VPS13C: variants seen among roughly 807,000 people sequenced by gnomAD.
VPS13C encodes the protein vacuolar protein sorting 13 homolog C.
In VPS13C, 358 loss-of-function variants were observed where a neutral mutation model predicts 456.8. The observed-to-expected ratio is 0.78, with a 90% CI of 0.72 to 0.86. VPS13C has a LOEUF of 0.86. Ranked by LOEUF, VPS13C falls within the 40% of genes least tolerant of loss-of-function variation. The pLI is 0.00. For missense variants in VPS13C, 4,818 were observed against 4,385.4 expected (o/e 1.10, Z -2.79); for synonymous variants, 1,578 against 1,486.7 (o/e 1.06, Z -1.41).
In VPS13C at chr15:61,978,747, G is replaced by C; in HGVS notation, c.2169C>G (p.Leu723=). Residue 723 remains leucine, a splice_region_variant and synonymous_variant, in exon 23 of 85, where the codon CTC becomes CTG. Transcript: ENST00000644861. ...LLILDFGTFQ[L]NSKDQGLQKT... Reference sequence around the variant, plus strand: ...TCTGTAAACCTTGATCTTTACTGTTGAGCTAAAATGAAGGACAAATTTCAA... The same window carrying C: ...TCTGTAAACCTTGATCTTTACTGTTCAGCTAAAATGAAGGACAAATTTCAA... The C allele has an allele frequency of 6.3e-7, 1 of 1,579,484 alleles. No individual in the cohort carries two copies. The highest frequency in any genetic ancestry group is 1.4e-5 in the African/African-American group (1 of 72,720).
intron 67 of VPS13C, 65 bp downstream of exon 67, chr15:61,890,100 A>T (rs1276363911): frequency 1.4e-6 from 2 of 1,471,632 alleles, no homozygotes; most frequent in East Asian, 2.3e-5. Context: ...ACTTTCTTCA[A>T]ATCGGCTATT....
chr15:61,973,406 A>T, intron 26 of VPS13C, 48 bp downstream of exon 26: 1 of 1,466,478 alleles, frequency 6.8e-7, no homozygotes, highest in Non-Finnish European at 9.5e-7. Flanking sequence ...TCTGTATAAC[A>T]ATGTATAGGC....
At chr15:61,996,366 G>A (rs1320470140) in intron 16 of VPS13C, among the ~76,000 whole-genome samples, 1 of 152,180 alleles carries the variant, frequency 6.6e-6, no homozygotes, top group African/African-American at 2.4e-5. Context: ...TAACTAGGTT[G>A]TACACTAACA....
intron 8 of VPS13C, among the ~76,000 whole-genome samples, chr15:62,023,062 C>T (rs1467000981): frequency 4.6e-5 from 7 of 151,866 alleles, no homozygotes; most frequent in Admixed American, 3.3e-4. Flanking sequence ...ATTAGTTATT[C>T]ATCACCTTTT....
chr15:61,964,347 G>A (rs1398425172), intron 31 of VPS13C, among the ~76,000 whole-genome samples: 2 of 151,866 alleles, frequency 1.3e-5, no homozygotes, highest in Admixed American at 1.3e-4. Flanking sequence ...GTGTCTCTGA[G>A]CCTTAATTTC....
At chr15:62,036,832 A>G (rs913863439) in intron 3 of VPS13C, among the ~76,000 whole-genome samples, 1 of 151,896 alleles carries the variant, frequency 6.6e-6, no homozygotes, top group African/African-American at 2.4e-5. Context: ...GAAATTTTTT[A>G]AATTTTTAAG....
chr15:61,934,148 A>G, intron 49 of VPS13C, 71 bp downstream of exon 49: 1 of 995,244 alleles, frequency 1.0e-6, no homozygotes, highest in Non-Finnish European at 1.4e-6. Context: ...CACACAAAAA[A>G]AAGCCAACAC....
In VPS13C at chr15:61,909,136, A is replaced by G. The variant is rs77226264; in HGVS notation, c.8845-11T>C. On this transcript the variant is annotated splice_polypyrimidine_tract_variant and intron_variant, in intron 64 of 84. Coordinates refer to ENST00000644861, the MANE Select transcript of VPS13C (RefSeq NM_020821.3). Reference sequence around the variant, plus strand: ...CAAGATACCCCCATTCTATTGTAGAAAAAAAAAAAGTATGTTTGATGTACT... The same window carrying G: ...CAAGATACCCCCATTCTATTGTAGAGAAAAAAAAAGTATGTTTGATGTACT... The G allele has an allele frequency of 1.4e-6, 2 of 1,407,978 alleles. No homozygotes were observed. The highest frequency in any genetic ancestry group is 1.9e-6 in the Non-Finnish European group (2 of 1,050,242). 87.2% of individuals were successfully genotyped at this position (1,407,978 alleles called of 1,614,324 possible).
chr15:62,011,026 A>T (rs1212995769), intron 12 of VPS13C, among the ~76,000 whole-genome samples: 3 of 152,192 alleles, frequency 2.0e-5, no homozygotes, highest in Admixed American at 2.0e-4. Context: ...TAACAAAATC[A>T]TGAATAAAAT....
At chr15:61,890,133 G>C in intron 67 of VPS13C, 32 bp downstream of exon 67, 1 of 1,605,424 alleles carries the variant, frequency 6.2e-7, no homozygotes, top group East Asian at 2.2e-5. Flanking sequence ...CCTTTTAAAG[G>C]TTTAGGATGT....
At chr15:62,053,812 A>G (rs975666756) in intron 1 of VPS13C, among the ~76,000 whole-genome samples, 2 of 152,190 alleles carry the variant, frequency 1.3e-5, no homozygotes, top group Non-Finnish European at 2.9e-5. Context: ...CTCAAGGGGA[A>G]GTGTCAAGAG....
intron 1 of VPS13C, among the ~76,000 whole-genome samples, chr15:62,057,423 TC>T (rs748702469): frequency 1.3e-5 from 2 of 152,118 alleles, no homozygotes; most frequent in Non-Finnish European, 2.9e-5. Context: ...ACAGGAAAAA[TC>T]AACTCAGATA....
rs2045880678 is a variant in VPS13C, at chr15:61,981,370, A to G, written c.2138T>C (p.Leu713Pro). The G allele has an allele frequency of 4.3e-6, 7 of 1,610,880 alleles. No homozygotes were observed. The highest frequency in any genetic ancestry group is 5.9e-6 in the Non-Finnish European group (7 of 1,179,042). ...AAATGTACCAAAATCTAAAATCAGAAGATCTGACTTTTCATGGTGGAAACC... is the reference window on the plus strand; with the variant it reads ...AAATGTACCAAAATCTAAAATCAGAGGATCTGACTTTTCATGGTGGAAACC... Reference protein sequence around the residue: ...QTGFHHEKSDLLILDFGTFQL... With the variant: ...QTGFHHEKSDPLILDFGTFQL... Residue 713 changes from leucine to proline, a missense_variant, in exon 22 of 85, where the codon CTT becomes CCT. Leu to Pro is a moderately conservative substitution (Grantham distance 98). This residue lies in a region of VPS13C where 4,552 missense variants were observed against 4,130.6 expected (regional missense o/e 1.10). Transcript: ENST00000644861.
At chr15:61,862,542 C>CA (rs553895894) in intron 82 of VPS13C, among the ~76,000 whole-genome samples, 28 of 151,984 alleles carry the variant, frequency 1.8e-4, no homozygotes, top group South Asian at 1.7e-3. Context: ...ATATCTAAGA[C>CA]AAAAAAACAT....
intron 1 of VPS13C, among the ~76,000 whole-genome samples, chr15:62,044,749 C>G (rs1000991583): frequency 1.3e-5 from 2 of 152,194 alleles, no homozygotes; most frequent in African/African-American, 2.4e-5. Flanking sequence ...TTCTAATATT[C>G]TTTAATCAGT....
chr15:61,956,718 T>G (rs1050616411), intron 37 of VPS13C, among the ~76,000 whole-genome samples: 2 of 152,002 alleles, frequency 1.3e-5, no homozygotes, highest in African/African-American at 4.8e-5. Flanking sequence ...TCACCAGTAA[T>G]CAAAAAGCAA....
chr15:61,981,455 G>A lies in VPS13C; in HGVS notation c.2053C>T (p.Arg685Ter). 8 of 1,608,694 alleles carry A rather than the reference G, an allele frequency of 5.0e-6. No homozygotes were observed. The highest frequency in any genetic ancestry group is 6.8e-6 in the Non-Finnish European group (8 of 1,178,050). ...ATGLTHIIET[R>*]KVLDLRINLK... ...TTTATCCTTAAATCAAGGACTTTTC[G>A]AGTTTCAATAATATGTGTAAGTCCT... is the stretch of plus-strand genomic sequence containing the variant. Residue 685 changes from arginine to a stop codon, truncating the protein, a stop_gained, in exon 22 of 85, where the codon CGA (arginine) becomes TGA (stop). Transcript: ENST00000644861. LOFTEE classifies it high-confidence loss of function.
At chr15:62,005,077 G>C (rs932771799) in intron 15 of VPS13C, among the ~76,000 whole-genome samples, 3 of 151,956 alleles carry the variant, frequency 2.0e-5, no homozygotes, top group Non-Finnish European at 2.9e-5. Context: ...GGGTATCCTT[G>C]TTGACTTTCT....
At chr15:61,881,233 T>G (rs1347895328) in intron 71 of VPS13C, among the ~76,000 whole-genome samples, 14 of 152,094 alleles carry the variant, frequency 9.2e-5, no homozygotes. Flanking sequence ...TCATGTAGCA[T>G]GTATGATCCA....
Sources: allele counts gnomAD v4.1 joint callset (sites outside exome capture counted in the v4.1 genomes callset), GRCh38; gene constraint gnomAD v4.1.1; regional missense constraint gnomAD v4.1.1; transcripts MANE v1.5; gene names NCBI Gene and HGNC (gene_info 2026-07-23, HGNC 2026-07-21).